The following MAPKBP1 variants were observed in gnomAD, a reference collection of about 807,000 sequenced individuals.
The protein encoded by MAPKBP1 is mitogen-activated protein kinase binding protein 1.
A neutral mutation model predicts 170.5 loss-of-function variants in MAPKBP1; 71 were observed. That is an observed-to-expected ratio of 0.42 (90% CI 0.34 to 0.51). MAPKBP1 has a LOEUF of 0.51. MAPKBP1 is among the 20% of genes least tolerant of loss of function. The pLI, the probability that MAPKBP1 is intolerant of heterozygous loss-of-function variation, is 0.06. For synonymous variants in MAPKBP1, 719 were observed against 757.9 expected (o/e 0.95, Z 0.84); for missense variants, 1,598 against 1,933.0 (o/e 0.83, Z 3.25).
intron 2 of MAPKBP1, among the ~76,000 whole-genome samples, chr15:41,791,731 C>T (rs549180865): frequency 6.6e-6 from 1 of 152,262 alleles, no homozygotes; most frequent in Non-Finnish European, 1.5e-5. Flanking sequence ...CACTATTAAT[C>T]ACCCCTCCCT....
Position 41,817,912 on chromosome 15 carries a change from G to T in MAPKBP1, c.1905-97G>T. The T allele has an allele frequency of 6.5e-7, 1 of 1,528,748 alleles. No individual in the cohort carries two copies. 94.7% of individuals were successfully genotyped at this position (1,528,748 alleles called of 1,614,324 possible). On this transcript the variant is annotated intron_variant, in intron 16 of 30. Coordinates refer to ENST00000457542, the MANE Select transcript of MAPKBP1 (RefSeq NM_014994.3). The surrounding 1 kb of genome is among the most constrained non-coding windows in gnomAD (Gnocchi z 4.2). ...TGTTTGCTGCTGGGGGTAGCTCCCAGAGAGTGTAGACTGGGAGTGAAAGCT... is the reference window on the plus strand; with the variant it reads ...TGTTTGCTGCTGGGGGTAGCTCCCATAGAGTGTAGACTGGGAGTGAAAGCT...
Position 41,800,303 on chromosome 15 carries a change from G to A in MAPKBP1, c.206+389G>A, listed in dbSNP as rs552888807. Among the ~76,000 whole-genome samples the A allele has an allele frequency of 3.3e-5, 5 of 152,040 alleles. No individual in the cohort carries two copies. In the South Asian group the frequency reaches 1.0e-3, roughly 32 times the overall value. ...TTTTTTAGTATATTCACAGAGTTGTGCACCCATCACCACAATCAAATTTAG... is the reference window on the plus strand; with the variant it reads ...TTTTTTAGTATATTCACAGAGTTGTACACCCATCACCACAATCAAATTTAG... On this transcript the variant is annotated intron_variant, in intron 3 of 30. Coordinates refer to ENST00000457542, the MANE Select transcript of MAPKBP1 (RefSeq NM_014994.3).
At chr15:41,787,039 C>G (rs886798229) in intron 2 of MAPKBP1, among the ~76,000 whole-genome samples, 1 of 150,998 alleles carries the variant, frequency 6.6e-6, no homozygotes, top group Non-Finnish European at 1.5e-5. Flanking sequence ...GCTGGGATTA[C>G]AGGCGTAATC....
At position 41,812,635 on chromosome 15, in the gene MAPKBP1, T is replaced by G; in HGVS notation, c.618T>G (p.Asp206Glu). ...GACACATCAAATTCTGGTATCTCGA[T>G]GACAGCAAGACCTCAAAGGTGAGGT... ...GNRHIKFWYLDDSKTSKVNAT... is the reference protein window; with the variant it reads ...GNRHIKFWYLEDSKTSKVNAT... Residue 206 changes from aspartate (D) to glutamate (E), a missense_variant, in exon 7 of 31, where the codon GAT becomes GAG. Asp to Glu is a conservative substitution (Grantham distance 45). Coordinates refer to ENST00000457542, the MANE Select transcript of MAPKBP1 (RefSeq NM_014994.3). The G allele has an allele frequency of 6.2e-7, 1 of 1,610,044 alleles. No individual in the cohort carries two copies. Among genetic ancestry groups the G allele is most frequent in the Non-Finnish European group, 8.5e-7 (1 of 1,177,494 alleles).
At chr15:41,811,684 G>A (rs1359454215) in intron 5 of MAPKBP1, 6 of 655,822 alleles carry the variant, frequency 9.1e-6, no homozygotes, top group Non-Finnish European at 1.7e-5. Flanking sequence ...AATGCCGGCT[G>A]CCCATCAGAA....
At chr15:41,797,863 G>A (rs958355831) in intron 2 of MAPKBP1, among the ~76,000 whole-genome samples, 1 of 152,102 alleles carries the variant, frequency 6.6e-6, no homozygotes, top group African/African-American at 2.4e-5. Context: ...GGTATTAAAT[G>A]TAACATCTCA....
intron 2 of MAPKBP1, among the ~76,000 whole-genome samples, chr15:41,789,540 T>G (rs980601758): frequency 2.6e-4 from 39 of 152,302 alleles, no homozygotes; most frequent in African/African-American, 9.1e-4. Flanking sequence ...TTCCTCCATC[T>G]GCATACGAAA....
intron 2 of MAPKBP1, among the ~76,000 whole-genome samples, chr15:41,787,517 G>A (rs948373943): frequency 7.9e-5 from 12 of 152,022 alleles, no homozygotes; most frequent in Middle Eastern, 3.4e-3. Flanking sequence ...ACAGGCACCC[G>A]CCACCATGCC....
intron 10 of MAPKBP1, among the ~76,000 whole-genome samples, 195 bp downstream of exon 10, chr15:41,814,934 T>A (rs1164168338): frequency 6.6e-6 from 1 of 152,214 alleles, no homozygotes; most frequent in East Asian, 1.9e-4. Context: ...ATCCTTAGTT[T>A]TGCCTCGGTC....
At chr15:41,815,154 T>C in intron 10 of MAPKBP1, 105 bp from the exon 11 acceptor site, 1 of 1,401,162 alleles carries the variant, frequency 7.1e-7, no homozygotes, top group South Asian at 1.3e-5. Context: ...CTGGGCTAAG[T>C]CCTGGCCACC....
chr15:41,795,060 G>T (rs1374198495), intron 2 of MAPKBP1, among the ~76,000 whole-genome samples: 2 of 151,692 alleles, frequency 1.3e-5, no homozygotes, highest in Non-Finnish European at 2.9e-5. Context: ...AGCTGCCTGG[G>T]AGGCTGAGGC....
Position 41,823,466 on chromosome 15 carries a change from G to T in MAPKBP1, c.3618G>T (p.Leu1206=). 2.5e-6 allele frequency: 4 copies of T among 1,613,014 alleles called. No homozygotes were observed. Among genetic ancestry groups the T allele is most frequent in the Non-Finnish European group, 3.4e-6 (4 of 1,179,360 alleles). Residue 1206 remains leucine (L), a synonymous_variant, in exon 29 of 31, where the codon CTG becomes CTT. Coordinates refer to ENST00000457542, the MANE Select transcript of MAPKBP1 (RefSeq NM_014994.3). ...LVPQERHEAS[L]QAPSPGALLS... is the part of the protein sequence containing the mutation. ...TTGCAGAAAGACATGAGGCCAGTCT[G>T]CAGGCCCCTTCACCAGGCGCACTGC...
In MAPKBP1 at chr15:41,822,595, G is replaced by T. The variant is rs755126058; in HGVS notation, c.3232G>T (p.Ala1078Ser). 6.2e-7 allele frequency: 1 copy of T among 1,613,876 alleles called. No individual in the cohort carries two copies. The highest frequency in any genetic ancestry group is 8.5e-7 in the Non-Finnish European group (1 of 1,179,926). Residue 1078 changes from alanine (A) to serine (S), a missense_variant and splice_region_variant, in exon 27 of 31, where the codon GCC (alanine) becomes TCC (serine). Transcript: ENST00000457542. ...ETLASGAAPG[A>S]PVQVPERSES... Reference sequence around the variant, plus strand: ...CATGATTTCTCTGACCTTGGTAGGGGCCCCAGTGCAGGTCCCAGAGAGGTC... The same window carrying T: ...CATGATTTCTCTGACCTTGGTAGGGTCCCCAGTGCAGGTCCCAGAGAGGTC...
At chr15:41,793,960 G>A (rs943481119) in intron 2 of MAPKBP1, among the ~76,000 whole-genome samples, 16 of 152,094 alleles carry the variant, frequency 1.1e-4, no homozygotes, top group Admixed American at 3.3e-4. Flanking sequence ...GGCCGGGCGC[G>A]GTGGCTCACT....
At chr15:41,803,035 A>G (rs2064625792) in intron 3 of MAPKBP1, among the ~76,000 whole-genome samples, 1 of 152,188 alleles carries the variant, frequency 6.6e-6, no homozygotes, top group African/African-American at 2.4e-5. Context: ...TATGCCAGGT[A>G]CTTTTTAAGC....
chr15:41,817,603 C>T lies in MAPKBP1; in HGVS notation c.1783-11C>T, dbSNP rs745399056. ...TGGGTGTGGGCCTGCCCACATGCTC[C>T]ACCCCTGCAGTCTGGAGATGGAGTG... On this transcript the variant is annotated splice_polypyrimidine_tract_variant and intron_variant, in intron 15 of 30. Transcript: ENST00000457542. This position sits in a 1 kb window ranked among gnomAD's most constrained non-coding sequence, Gnocchi z 4.2. The T allele has an allele frequency of 3.7e-6, 6 of 1,614,046 alleles. No homozygotes were observed. The East Asian group carries it at 1.1e-4, about 30-fold the overall frequency.
chr15:41,811,306 C>G, intron 5 of MAPKBP1, 71 bp downstream of exon 5: 1 of 1,526,646 alleles, frequency 6.6e-7, no homozygotes, highest in Non-Finnish European at 9.1e-7. Context: ...GAGCTGCGGT[C>G]CTAGGCCTGC....
chr15:41,815,104 T>G (rs929363676), intron 10 of MAPKBP1, among the ~76,000 whole-genome samples, 155 bp from the exon 11 acceptor site: 1 of 152,234 alleles, frequency 6.6e-6, no homozygotes, highest in Non-Finnish European at 1.5e-5. Flanking sequence ...TTGGTCATGT[T>G]GAAGGGTATA....
rs775497674 is a variant in MAPKBP1 at position 41,825,213 on chromosome 15, C to T, written c.4304C>T (p.Ala1435Val). 7.0e-6 allele frequency: 11 copies of T among 1,578,506 alleles called. No homozygotes were observed. In the Middle Eastern group the frequency reaches 5.0e-4, roughly 72 times the overall value. Residue 1435 changes from alanine (A) to valine (V), a missense_variant, in exon 31 of 31, where the codon GCT becomes GTT. By Grantham distance (64) the Ala-to-Val change is moderately conservative. This residue lies in a region of MAPKBP1 where 942 missense variants were observed against 953.2 expected (regional missense o/e 0.99). Transcript: ENST00000457542. ...CTTCTGGGGGTGCTATTTCAGGTGG[C>T]TGGCTGCAAGATGCCCTCAGCAGAG... ...RQAVRLYHSV[A>V]GCKMPSAEQS...
Sources: gnomAD v4.1 joint callset for allele counts (sites outside exome capture counted in the v4.1 genomes callset) on GRCh38, gnomAD v4.1.1 for gene constraint, gnomAD v4.1.1 regional missense constraint, Gnocchi (gnomAD v3.1) non-coding constraint, MANE v1.5 for transcripts, NCBI Gene and HGNC (gene_info 2026-07-23, HGNC 2026-07-21) for gene names.